The following CERS5 variants were observed in gnomAD, a reference collection of about 807,000 sequenced individuals.
The protein encoded by CERS5 is LAG1 homolog, ceramide synthase 5.
In CERS5, 37 loss-of-function variants were observed where a neutral mutation model predicts 58.9. That is an observed-to-expected ratio of 0.63 (90% CI 0.48 to 0.83). The LOEUF (loss-of-function observed/expected upper bound fraction) is 0.83, where lower values mean the gene tolerates loss of function less well. CERS5 is among the 40% of genes least tolerant of loss of function. The probability of loss-of-function intolerance (pLI) is 0.00; values close to 1 mark genes in which losing one functional copy is unlikely to be tolerated. For synonymous variants in CERS5, 147 were observed against 177.8 expected, an observed-to-expected ratio of 0.83 and a Z score of 1.38; for missense variants, 398 against 489.3, an observed-to-expected ratio of 0.81 and a Z score of 1.76.
At chr12:50,149,953 G>A (rs1937765111) in intron 1 of CERS5, among the ~76,000 whole-genome samples, 1 of 152,144 alleles carries the variant, frequency 6.6e-6, no homozygotes. Flanking sequence ...ACATTGGCCA[G>A]GCTGGTCTTG....
rs771981871 is a variant in CERS5 at position 50,167,311 on chromosome 12, C to G, written c.-14G>C. 2.0e-6 allele frequency: 3 copies of G among 1,470,788 alleles called. No homozygotes were observed. The highest frequency in any genetic ancestry group is 2.7e-6 in the Non-Finnish European group (3 of 1,117,990). The allele number at this position is 1,470,788 out of a possible 1,614,324, so 91.1% of individuals were successfully genotyped here. A position where few individuals can be genotyped will look rare whatever the true frequency, so the allele number is the denominator to read the frequency against. Reference sequence around the variant, plus strand: ...TGCTGTCGCCATCTTACGCCCACCCCGAAGCCACCGCCGCCACAAGCGTCA... The same window carrying G: ...TGCTGTCGCCATCTTACGCCCACCCGGAAGCCACCGCCGCCACAAGCGTCA... On this transcript the variant is annotated 5_prime_UTR_variant, in exon 1 of 10. Transcript: ENST00000317551.
intron 2 of CERS5, chr12:50,143,456 A>G (rs1284046961): frequency 8.1e-6 from 3 of 368,510 alleles, no homozygotes; most frequent in Non-Finnish European, 9.7e-6. Context: ...TTAAAAACCC[A>G]AATTGCAGGC....
At chr12:50,139,395 A>G (rs1951847555) in intron 4 of CERS5, among the ~76,000 whole-genome samples, 1 of 152,138 alleles carries the variant, frequency 6.6e-6, no homozygotes, top group African/African-American at 2.4e-5. Context: ...AGGTGGTAGC[A>G]TTGCCTGAGC....
At chr12:50,148,795 C>T (rs1264913214) in intron 1 of CERS5, among the ~76,000 whole-genome samples, 3 of 150,622 alleles carry the variant, frequency 2.0e-5, no homozygotes, top group African/African-American at 7.3e-5. Flanking sequence ...TTCCCAACTA[C>T]TCAGGTGGCT....
At chr12:50,135,589 A>G in intron 8 of CERS5, 143 bp downstream of exon 8, 1 of 761,828 alleles carries the variant, frequency 1.3e-6, no homozygotes. Context: ...AGGCTAAGGT[A>G]AAAGCAGGGC....
chr12:50,132,941 T>C (rs773906255), intron 9 of CERS5: 7 of 1,288,876 alleles, frequency 5.4e-6, no homozygotes, highest in South Asian at 3.7e-5. Flanking sequence ...CACTGAATAC[T>C]AGAAGCACAG....
In CERS5 at chr12:50,141,668, G is replaced by GT. The variant is rs143149421; in HGVS notation, c.492+384dup. On this transcript the variant is annotated intron_variant, in intron 4 of 9. Coordinates refer to ENST00000317551, the MANE Select transcript of CERS5 (RefSeq NM_147190.5). ...TCTAAAGGTATTTAGGCCAGGCTCA[G>GT]TGGCTCATGCCTGAAATCCTGGCAC... 9.3e-3 allele frequency among the ~76,000 whole-genome samples: 1,414 copies of GT among 152,242 alleles called. 13 individuals carry two copies. The highest frequency in any genetic ancestry group is 0.033 in the African/African-American group (1,361 of 41,550).
intron 1 of CERS5, among the ~76,000 whole-genome samples, chr12:50,149,027 AT>A (rs1452955663): frequency 6.9e-6 from 1 of 145,058 alleles, no homozygotes; most frequent in Non-Finnish European, 1.5e-5. Flanking sequence ...CATTTTCCCC[AT>A]TTTTTTTCTA....
chr12:50,158,757 C>T (rs1340992342), intron 1 of CERS5, among the ~76,000 whole-genome samples: 1 of 152,132 alleles, frequency 6.6e-6, no homozygotes, highest in Non-Finnish European at 1.5e-5. Context: ...TAGTTTGAGA[C>T]ACTTTATGCC....
intron 9 of CERS5, among the ~76,000 whole-genome samples, chr12:50,131,387 T>C (rs1175600905): frequency 6.6e-6 from 1 of 151,664 alleles, no homozygotes; most frequent in Non-Finnish European, 1.5e-5. Flanking sequence ...GGAGAAACCC[T>C]GTCTCTACTA....
chr12:50,142,548 C>CA (rs55654212), intron 3 of CERS5, among the ~76,000 whole-genome samples: 35,735 of 86,470 alleles, frequency 0.41, 6,230 homozygotes, highest in East Asian at 0.74. Context: ...GACTCCGTCT[C>CA]AAAAAAAAAA....
chr12:50,163,657 T>G (rs1256929126), intron 1 of CERS5, among the ~76,000 whole-genome samples: 5 of 152,078 alleles, frequency 3.3e-5, no homozygotes, highest in African/African-American at 1.2e-4. Flanking sequence ...ATTTTATTTA[T>G]TTTTCTGAGA....
intron 3 of CERS5, 79 bp downstream of exon 3, chr12:50,142,995 T>C (rs925370920): frequency 1.4e-6 from 2 of 1,440,580 alleles, no homozygotes; most frequent in Non-Finnish European, 1.9e-6. Context: ...ACAACAGAAG[T>C]GATGTTCAAA....
intron 4 of CERS5, among the ~76,000 whole-genome samples, chr12:50,140,840 T>A (rs78215626): frequency 6.1e-5 from 4 of 65,484 alleles, no homozygotes; most frequent in African/African-American, 3.6e-4. Context: ...CCCTTAGTGA[T>A]TTTTTTTTTT....
chr12:50,152,433 T>C (rs1041481274), intron 1 of CERS5, among the ~76,000 whole-genome samples: 1 of 152,244 alleles, frequency 6.6e-6, no homozygotes. Context: ...TCTTGACCCT[T>C]GAATATATTT....
At chr12:50,146,885 GTTGA>G (rs1404503030) in intron 1 of CERS5, among the ~76,000 whole-genome samples, 4 of 149,544 alleles carry the variant, frequency 2.7e-5, no homozygotes, top group East Asian at 2.0e-4. Context: ...ACAAATACTT[GTTGA>G]TTGTTTATTT....
chr12:50,164,713 T>C (rs923202441), intron 1 of CERS5, among the ~76,000 whole-genome samples: 1 of 152,114 alleles, frequency 6.6e-6, no homozygotes, highest in African/African-American at 2.4e-5. Flanking sequence ...AACACTCAGA[T>C]AGAATTCCCA....
chr12:50,145,948 C>T (rs1242160138), intron 1 of CERS5, among the ~76,000 whole-genome samples: 1 of 152,166 alleles, frequency 6.6e-6, no homozygotes, highest in Non-Finnish European at 1.5e-5. Context: ...ATGAGGCCGT[C>T]ATTCTTTGTT....
At chr12:50,133,383 A>T (rs1951443299) in intron 9 of CERS5, 4 of 1,054,848 alleles carry the variant, frequency 3.8e-6, no homozygotes, top group Middle Eastern at 4.6e-4. Flanking sequence ...TTGGCATAAG[A>T]TGGGTATTTG....
Sources: gnomAD v4.1 joint callset for allele counts (sites outside exome capture counted in the v4.1 genomes callset) on GRCh38, gnomAD v4.1.1 for gene constraint, MANE v1.5 for transcripts, NCBI Gene and HGNC (gene_info 2026-07-23, HGNC 2026-07-21) for gene names.